The following MTRF1 variants were observed in gnomAD, a reference collection of about 807,000 sequenced individuals.
MTRF1 encodes the protein mitochondrial translation release factor 1, also known as peptide chain release factor 1, mitochondrial.
Under a neutral mutation model 62.9 loss-of-function variants are expected in MTRF1, and 51 were observed. The observed-to-expected ratio is 0.81, with a 90% confidence interval of 0.65 to 1.02. The LOEUF is 1.02. MTRF1 is among the 50% of genes least tolerant of loss of function. The pLI is 0.00. For synonymous variants in MTRF1, 158 were observed against 181.9 expected (o/e 0.87, Z 1.06); for missense variants, 446 against 530.0 (o/e 0.84, Z 1.56).
chr13:41,222,813 C>T (rs900115010), intron 9 of MTRF1, among the ~76,000 whole-genome samples: 3 of 152,174 alleles, frequency 2.0e-5, no homozygotes, highest in African/African-American at 7.2e-5. Context: ...TGGAGCCTGG[C>T]CATGCCTTGA....
chr13:41,293,222 G>A, the MTRF1 span, among the ~76,000 whole-genome samples: 1 of 151,922 alleles, frequency 6.6e-6, no homozygotes, highest in Non-Finnish European at 1.5e-5. Flanking sequence ...GTGTCTACAT[G>A]GTAAAATCTG....
At chr13:41,230,974 C>T (rs762125156) in intron 7 of MTRF1, among the ~76,000 whole-genome samples, 42 of 152,332 alleles carry the variant, frequency 2.8e-4, no homozygotes, top group Admixed American at 8.5e-4. Flanking sequence ...GATCTGCCTG[C>T]ATCAGCCTCC....
At chr13:41,284,851 A>C in the MTRF1 span, among the ~76,000 whole-genome samples, 2 of 152,052 alleles carry the variant, frequency 1.3e-5, no homozygotes, top group East Asian at 3.9e-4. Context: ...ACGGGATTTC[A>C]CCATGTTGGC....
chr13:41,237,218 C>CAAAAAA (rs11412273), intron 6 of MTRF1, among the ~76,000 whole-genome samples: 9 of 63,804 alleles, frequency 1.4e-4, no homozygotes, highest in South Asian at 7.2e-4. Flanking sequence ...GAATCTGTCT[C>CAAAAAA]AAAAAAAAAA....
At chr13:41,250,208 C>A (rs192578760) in intron 5 of MTRF1, among the ~76,000 whole-genome samples, 82 of 152,212 alleles carry the variant, frequency 5.4e-4, no homozygotes, top group Admixed American at 1.4e-3. Flanking sequence ...GCTGTTTCTT[C>A]TTACATTCTC....
intron 7 of MTRF1, among the ~76,000 whole-genome samples, chr13:41,226,981 G>A (rs1320993191): frequency 6.6e-6 from 1 of 152,098 alleles, no homozygotes; most frequent in Non-Finnish European, 1.5e-5. Context: ...TATACACAGA[G>A]CTGAGGTTTT....
At chr13:41,224,851 C>T (rs1393135255) in intron 8 of MTRF1, among the ~76,000 whole-genome samples, 1 of 152,158 alleles carries the variant, frequency 6.6e-6, no homozygotes, top group African/African-American at 2.4e-5. Flanking sequence ...TTTGGCTTGT[C>T]AATCAGACTA....
intron 8 of MTRF1, among the ~76,000 whole-genome samples, chr13:41,224,722 C>T (rs2034037971): frequency 6.6e-6 from 1 of 152,150 alleles, no homozygotes; most frequent in South Asian, 2.1e-4. Context: ...GGCATAATGC[C>T]TTCTGTATAA....
chr13:41,268,874 G>A, the MTRF1 span, among the ~76,000 whole-genome samples: 1 of 151,866 alleles, frequency 6.6e-6, no homozygotes, highest in Non-Finnish European at 1.5e-5. Flanking sequence ...CCAATCCCTG[G>A]AGAGACCATT....
chr13:41,274,272 C>T, the MTRF1 span, among the ~76,000 whole-genome samples: 7 of 152,172 alleles, frequency 4.6e-5, no homozygotes, highest in Admixed American at 3.9e-4. Flanking sequence ...GTCCAGAATT[C>T]TTGTTAGCAC....
chr13:41,262,909 T>C (rs1029213532), intron 1 of MTRF1, among the ~76,000 whole-genome samples: 1 of 152,220 alleles, frequency 6.6e-6, no homozygotes, highest in African/African-American at 2.4e-5. Flanking sequence ...TCTGTTAACT[T>C]AGCATTATCA....
At chr13:41,244,986 T>A (rs576846973) in intron 5 of MTRF1, among the ~76,000 whole-genome samples, 2 of 152,356 alleles carry the variant, frequency 1.3e-5, no homozygotes, top group South Asian at 2.1e-4. Flanking sequence ...ACTTTTATCA[T>A]CTAATCAATC....
chr13:41,285,071 G>T, the MTRF1 span, among the ~76,000 whole-genome samples: 252 of 152,232 alleles, frequency 1.7e-3, 3 homozygotes, highest in African/African-American at 5.9e-3. Flanking sequence ...ACTGATTAAC[G>T]TATGATCTAC....
At chr13:41,233,839 T>C (rs763256227) in intron 7 of MTRF1, 51 bp downstream of exon 7, 1 of 1,406,272 alleles carries the variant, frequency 7.1e-7, no homozygotes, top group South Asian at 1.2e-5. Context: ...TTCCAAATGC[T>C]GAGTAAGATG....
chr13:41,258,624 A>T (rs578131402), intron 2 of MTRF1, among the ~76,000 whole-genome samples: 1 of 151,922 alleles, frequency 6.6e-6, no homozygotes, highest in African/African-American at 2.4e-5. Context: ...AAAATAACTA[A>T]AATAGATCAA....
chr13:41,220,583 C>T lies in MTRF1; in HGVS notation c.1224+2673G>A, dbSNP rs2033122286. ...AGAATACCAGGTGATCTCACAGAAT[C>T]CAAGGATAGGAATGTGGAATGTGCA... On this transcript the variant is annotated intron_variant, in intron 9 of 9. Transcript: ENST00000379480. 4 of 1,288,854 alleles carry T rather than the reference C, an allele frequency of 3.1e-6. No homozygotes were observed. In the African/African-American group the frequency reaches 6.1e-5, roughly 20 times the overall value. The allele number at this position is 1,288,854 out of a possible 1,614,324, so 79.8% of individuals were successfully genotyped here.
chr13:41,291,658 G>A, the MTRF1 span, among the ~76,000 whole-genome samples: 1 of 151,934 alleles, frequency 6.6e-6, no homozygotes. Context: ...ATTTCACAAT[G>A]CATACATTTC....
chr13:41,287,930 CT>C, the MTRF1 span: 1 of 423,606 alleles, frequency 2.4e-6, no homozygotes, highest in Non-Finnish European at 4.6e-6. Context: ...GCTTCTTCTC[CT>C]TCAGTTTCTC....
intron 5 of MTRF1, among the ~76,000 whole-genome samples, chr13:41,249,509 C>G (rs2038743619): frequency 6.6e-6 from 1 of 151,520 alleles, no homozygotes; most frequent in South Asian, 2.1e-4. Flanking sequence ...CCACTGCACT[C>G]CAGCCTAGGT....
Sources: gnomAD v4.1 joint callset for allele counts (sites outside exome capture counted in the v4.1 genomes callset) on GRCh38, gnomAD v4.1.1 for gene constraint, MANE v1.5 for transcripts, NCBI Gene and HGNC (gene_info 2026-07-23, HGNC 2026-07-21) for gene names.